The following PTPRD variants were observed in gnomAD, a reference collection of about 807,000 sequenced individuals.
PTPRD encodes receptor-type tyrosine-protein phosphatase delta.
Under a neutral mutation model 214.5 loss-of-function variants are expected in PTPRD, and 34 were observed. That is an observed-to-expected ratio of 0.16 (90% confidence interval 0.12 to 0.21). PTPRD has a LOEUF of 0.21. PTPRD is among the 10% of genes least tolerant of loss of function. The probability of loss-of-function intolerance (pLI) is 1.00; values close to 1 mark genes in which losing one functional copy is unlikely to be tolerated. For synonymous variants in PTPRD, 1,128 were observed against 845.7 expected (o/e 1.33, Z -5.79); for missense variants, 2,545 against 2,398.7 (o/e 1.06, Z -1.27).
chr9:10,569,261 T>C (rs1448124543), intron 2 of PTPRD, among the ~76,000 whole-genome samples: 1 of 152,044 alleles, frequency 6.6e-6, no homozygotes, highest in African/African-American at 2.4e-5. Flanking sequence ...GATTAAAAAG[T>C]CAGGTAACAA....
At chr9:9,173,421 G>C (rs1554907308) in intron 10 of PTPRD, among the ~76,000 whole-genome samples, 1 of 152,002 alleles carries the variant, frequency 6.6e-6, no homozygotes, top group Non-Finnish European at 1.5e-5. Flanking sequence ...TTAACACTGG[G>C]GATACATTCT....
chr9:10,065,796 C>T (rs920216832), intron 3 of PTPRD, among the ~76,000 whole-genome samples: 5 of 151,732 alleles, frequency 3.3e-5, no homozygotes, highest in Non-Finnish European at 5.9e-5. Context: ...AAGTATTTTC[C>T]GGTGATTAAG....
intron 11 of PTPRD, among the ~76,000 whole-genome samples, chr9:8,757,156 C>G (rs563490595): frequency 6.6e-6 from 1 of 151,144 alleles, no homozygotes; most frequent in South Asian, 2.1e-4. Context: ...TAATAATAAT[C>G]TATGAATAAA....
chr9:8,483,346 C>T (rs1591658982), intron 30 of PTPRD, among the ~76,000 whole-genome samples: 1 of 152,190 alleles, frequency 6.6e-6, no homozygotes, highest in Admixed American at 6.5e-5. Context: ...AATTTCCCCC[C>T]CTTTTTTTCA....
intron 8 of PTPRD, among the ~76,000 whole-genome samples, chr9:9,520,887 A>T (rs537559206): frequency 6.6e-6 from 1 of 152,236 alleles, no homozygotes; most frequent in South Asian, 2.1e-4. Context: ...GAAGAAGCAA[A>T]TCTTTAAATC....
intron 8 of PTPRD, among the ~76,000 whole-genome samples, chr9:9,498,339 T>C (rs745866209): frequency 3.9e-5 from 6 of 152,258 alleles, no homozygotes; most frequent in South Asian, 2.1e-4. Context: ...GCTTCACAGA[T>C]AGAGCTGTAA....
intron 3 of PTPRD, among the ~76,000 whole-genome samples, chr9:10,110,050 T>A: frequency 6.6e-6 from 1 of 152,132 alleles, no homozygotes; most frequent in East Asian, 1.9e-4. Flanking sequence ...AGGAAAAATG[T>A]AGATGCTATA....
At chr9:8,800,925 T>C (rs1475543234) in intron 11 of PTPRD, among the ~76,000 whole-genome samples, 1 of 152,194 alleles carries the variant, frequency 6.6e-6, no homozygotes, top group Admixed American at 6.5e-5. Context: ...ATTATAAATG[T>C]AGGAGCTGGG....
intron 11 of PTPRD, among the ~76,000 whole-genome samples, chr9:8,859,144 A>G (rs1280412551): frequency 2.0e-5 from 3 of 152,198 alleles, no homozygotes; most frequent in Non-Finnish European, 2.9e-5. Flanking sequence ...GGCAACGAGG[A>G]AGACTGGGAA....
At chr9:9,417,421 A>G (rs999325219) in intron 8 of PTPRD, among the ~76,000 whole-genome samples, 7 of 152,266 alleles carry the variant, frequency 4.6e-5, no homozygotes, top group African/African-American at 1.2e-4. Context: ...TATCACAAGC[A>G]TACTTATTTT....
At chr9:9,641,213 T>C (rs1361612398) in intron 7 of PTPRD, among the ~76,000 whole-genome samples, 1 of 152,220 alleles carries the variant, frequency 6.6e-6, no homozygotes. Context: ...ATCAAAATCA[T>C]GATACTCTTG....
At chr9:10,398,997 A>T (rs142284349) in intron 2 of PTPRD, among the ~76,000 whole-genome samples, 23 of 152,112 alleles carry the variant, frequency 1.5e-4, no homozygotes, top group African/African-American at 5.3e-4. Context: ...TGGCATGATG[A>T]GAATGTCTAA....
Position 10,387,848 on chromosome 9 carries a change from A to T in PTPRD, c.-599-46831T>A, listed in dbSNP as rs556846395. Among the ~76,000 whole-genome samples the T allele has an allele frequency of 5.4e-4, 57 of 106,210 alleles. 1 individual carries two copies. The highest frequency in any genetic ancestry group is 1.8e-3 in the African/African-American group (53 of 28,872). The allele number at this position is 106,210 out of a possible 152,430, so 69.7% of individuals were successfully genotyped here. ...TTTTTTTTTTTTTTTTTTTTTTGAG[A>T]AAAGGTCTCACTATGTTGCTCAGGC... On this transcript the variant is annotated intron_variant, in intron 2 of 45. Transcript: ENST00000381196.
At chr9:9,786,678 T>G (rs2098926781) in intron 5 of PTPRD, among the ~76,000 whole-genome samples, 1 of 152,080 alleles carries the variant, frequency 6.6e-6, no homozygotes, top group South Asian at 2.1e-4. Flanking sequence ...ATGTAAATGA[T>G]CAGTTAATGG....
At chr9:9,347,380 G>C (rs1293817881) in intron 9 of PTPRD, among the ~76,000 whole-genome samples, 3 of 150,968 alleles carry the variant, frequency 2.0e-5, no homozygotes, top group African/African-American at 7.3e-5. Context: ...TTATCCTACA[G>C]ATTATGTTCT....
At chr9:10,374,610 C>G (rs2097692517) in intron 2 of PTPRD, among the ~76,000 whole-genome samples, 1 of 151,954 alleles carries the variant, frequency 6.6e-6, no homozygotes, top group Non-Finnish European at 1.5e-5. Flanking sequence ...CCTAATCCTG[C>G]CTACGTTTAG....
chr9:9,979,193 A>G (rs1339483908), intron 4 of PTPRD, among the ~76,000 whole-genome samples: 1 of 152,122 alleles, frequency 6.6e-6, no homozygotes, highest in Non-Finnish European at 1.5e-5. Context: ...ATACAAAGAA[A>G]GAGTGTCAAA....
intron 3 of PTPRD, among the ~76,000 whole-genome samples, chr9:10,088,757 G>A (rs922432443): frequency 8.6e-5 from 13 of 151,584 alleles, no homozygotes; most frequent in African/African-American, 2.9e-4. Flanking sequence ...TATCAGTCTG[G>A]TGTAATATAC....
chr9:10,216,794 G>A (rs950373944), intron 3 of PTPRD, among the ~76,000 whole-genome samples: 2 of 151,998 alleles, frequency 1.3e-5, no homozygotes, highest in Non-Finnish European at 2.9e-5. Flanking sequence ...TGACATGCAA[G>A]TGCAACACTT....
Sources: allele counts gnomAD v4.1 joint callset (sites outside exome capture counted in the v4.1 genomes callset), GRCh38; gene constraint gnomAD v4.1.1; transcripts MANE v1.5; gene names NCBI Gene and HGNC (gene_info 2026-07-23, HGNC 2026-07-21).